The following PREX1 variants were observed in gnomAD, a reference collection of about 807,000 sequenced individuals.
PREX1 encodes phosphatidylinositol-3,4,5-trisphosphate dependent Rac exchange factor 1.
A neutral mutation model predicts 198.3 loss-of-function variants in PREX1; 41 were observed. The ratio of observed to expected loss-of-function variants is 0.21; its 90% CI spans 0.16 to 0.27. The LOEUF (loss-of-function observed/expected upper bound fraction) is 0.27. PREX1 is among the 10% of genes least tolerant of loss of function. The pLI is 1.00. For synonymous variants in PREX1, 843 were observed against 887.2 expected, an observed-to-expected ratio of 0.95 and a Z score of 0.89; for missense variants, 1,620 against 2,200.7, an observed-to-expected ratio of 0.74 and a Z score of 5.28.
the PREX1 span, among the ~76,000 whole-genome samples, chr20:48,841,918 T>C: frequency 6.6e-6 from 1 of 152,234 alleles, no homozygotes; most frequent in East Asian, 1.9e-4. Context: ...GTTCAGTTCT[T>C]AACAGCAAAC....
intron 1 of PREX1, among the ~76,000 whole-genome samples, chr20:48,806,550 G>A (rs1403342837): frequency 6.6e-6 from 1 of 152,110 alleles, no homozygotes; most frequent in Admixed American, 6.5e-5. Context: ...TCATTTCAGA[G>A]GTACAATGAT....
At chr20:48,682,102 C>T (rs1431434537) in intron 10 of PREX1, among the ~76,000 whole-genome samples, 1 of 152,094 alleles carries the variant, frequency 6.6e-6, no homozygotes, top group African/African-American at 2.4e-5. Context: ...CTGATCTCAC[C>T]CCCAATACCT....
chr20:48,669,877 G>A (rs2089663669), intron 14 of PREX1, among the ~76,000 whole-genome samples: 1 of 152,126 alleles, frequency 6.6e-6, no homozygotes, highest in Admixed American at 6.5e-5. Context: ...GGAGTAATGG[G>A]GGAAAGAGGT....
At chr20:48,788,944 C>T (rs1460447031) in intron 1 of PREX1, among the ~76,000 whole-genome samples, 2 of 152,038 alleles carry the variant, frequency 1.3e-5, no homozygotes, top group African/African-American at 2.4e-5. Context: ...TCTTTAGAAC[C>T]CCCAAGAACG....
At chr20:48,770,797 C>T (rs1221546624) in intron 1 of PREX1, among the ~76,000 whole-genome samples, 2 of 152,172 alleles carry the variant, frequency 1.3e-5, no homozygotes, top group Non-Finnish European at 1.5e-5. Flanking sequence ...CAAGGCAACC[C>T]CTTGGCAGCC....
At chr20:48,747,934 G>C in intron 1 of PREX1, 54 bp from the exon 2 acceptor site, 2 of 1,513,732 alleles carry the variant, frequency 1.3e-6, no homozygotes, top group Non-Finnish European at 9.1e-7. Flanking sequence ...CTCTCCCATG[G>C]ACGGCCCTAC....
chr20:48,852,146 T>C, the PREX1 span, among the ~76,000 whole-genome samples: 1 of 152,074 alleles, frequency 6.6e-6, no homozygotes, highest in Admixed American at 6.6e-5. Flanking sequence ...GAGTTTGCCA[T>C]TCCTGGATGG....
chr20:48,818,780 A>C (rs1161373638), intron 1 of PREX1, among the ~76,000 whole-genome samples: 1 of 152,254 alleles, frequency 6.6e-6, no homozygotes, highest in African/African-American at 2.4e-5. Context: ...AACAGAAAAC[A>C]AGGGGCACCT....
At chr20:48,663,104 C>G (rs1025890504) in intron 15 of PREX1, among the ~76,000 whole-genome samples, 3 of 152,182 alleles carry the variant, frequency 2.0e-5, no homozygotes, top group African/African-American at 7.2e-5. Context: ...CCCACCTCAG[C>G]TGGGGAAACT....
chr20:48,729,709 A>G (rs982296646), intron 4 of PREX1, among the ~76,000 whole-genome samples: 4 of 151,980 alleles, frequency 2.6e-5, no homozygotes, highest in Non-Finnish European at 5.9e-5. Flanking sequence ...TGTGAATCCA[A>G]CCACCTCTCC....
the PREX1 span, among the ~76,000 whole-genome samples, chr20:48,848,457 A>G: frequency 6.6e-6 from 1 of 151,926 alleles, no homozygotes; most frequent in African/African-American, 2.4e-5. Context: ...GCATTTTGCC[A>G]TGTTGCCCAG....
chr20:48,642,246 T>C lies in PREX1; in HGVS notation c.3697A>G (p.Asn1233Asp). 2 of 1,614,190 alleles carry C rather than the reference T, an allele frequency of 1.2e-6. No homozygotes were observed. The highest frequency in any genetic ancestry group is 2.2e-5 in the East Asian group (1 of 44,888). The part of the protein sequence containing the change: ...EHLFNQVDSI[N>D]ALLKGPVMSR... The stretch of plus-strand genomic sequence containing the variant: ...ATGACTGGCCCCTTGAGGAGAGCAT[T>C]GATGGAGTCCACCTGGGTGGCAAGA... The change falls in exon 29 of 40, where the codon AAT (asparagine) becomes GAT (aspartate). Residue 1233 changes from asparagine (N) to aspartate (D), a missense_variant. By Grantham distance (23) the Asn-to-Asp change is conservative (BLOSUM62 1). Transcript: ENST00000371941.
chr20:48,669,955 G>C (rs2089664230), intron 14 of PREX1, among the ~76,000 whole-genome samples: 2 of 152,126 alleles, frequency 1.3e-5, no homozygotes, highest in African/African-American at 4.8e-5. Context: ...AGATGCCCAA[G>C]GATGCCTCTC....
chr20:48,661,546 T>TAC (rs1256196404), intron 15 of PREX1, among the ~76,000 whole-genome samples: 1 of 135,614 alleles, frequency 7.4e-6, no homozygotes, highest in Non-Finnish European at 1.6e-5. Context: ...TGTGTGTGTA[T>TAC]ATATATATAT....
chr20:48,723,794 T>C (rs961300091), intron 5 of PREX1, among the ~76,000 whole-genome samples: 3 of 152,140 alleles, frequency 2.0e-5, no homozygotes, highest in South Asian at 2.1e-4. Flanking sequence ...CCTGGGGAGA[T>C]GGGAACAGGC....
chr20:48,777,928 CA>C (rs1363144242), intron 1 of PREX1, among the ~76,000 whole-genome samples: 7 of 152,180 alleles, frequency 4.6e-5, no homozygotes, highest in Admixed American at 4.6e-4. Context: ...ACGTCTACAC[CA>C]GGGGCTACAA....
chr20:48,731,887 C>T (rs2090036304), intron 4 of PREX1, among the ~76,000 whole-genome samples: 1 of 152,202 alleles, frequency 6.6e-6, no homozygotes, highest in Admixed American at 6.5e-5. Context: ...CCTTCCCTTC[C>T]CTTCCCACAC....
intron 5 of PREX1, among the ~76,000 whole-genome samples, chr20:48,716,449 C>A (rs1160482073): frequency 6.6e-6 from 1 of 152,190 alleles, no homozygotes; most frequent in Non-Finnish European, 1.5e-5. Context: ...GGGCAACAAA[C>A]AAACGTGGCT....
the PREX1 span, among the ~76,000 whole-genome samples, chr20:48,847,380 A>C: frequency 2.0e-5 from 3 of 151,204 alleles, no homozygotes; most frequent in South Asian, 4.2e-4. Flanking sequence ...AAAAAAAAAA[A>C]AAAACAAACC....
Sources: gnomAD v4.1 joint callset for allele counts (sites outside exome capture counted in the v4.1 genomes callset) on GRCh38, gnomAD v4.1.1 for gene constraint, MANE v1.5 for transcripts, NCBI Gene and HGNC (gene_info 2026-07-23, HGNC 2026-07-21) for gene names.